The following H3-3A variants were observed in gnomAD, a reference collection of about 807,000 sequenced individuals.
H3-3A encodes H3.3 histone A, also known as histone H3.3.
For synonymous variants in H3-3A, 49 were observed against 61.4 expected, an observed-to-expected ratio of 0.80 and a Z score of 0.95; for missense variants, 7 against 184.0, an observed-to-expected ratio of 0.04 and a Z score of 5.57.
intron 3 of H3-3A, among the ~76,000 whole-genome samples, chr1:226,067,982 C>T (rs1440113796): frequency 6.6e-6 from 1 of 152,152 alleles, no homozygotes; most frequent in Non-Finnish European, 1.5e-5. Context: ...TGTCTGAGAA[C>T]TTGAACTCAA....
intron 2 of H3-3A, 76 bp downstream of exon 2, chr1:226,064,555 A>G (rs948829347): frequency 1.6e-6 from 2 of 1,284,580 alleles, no homozygotes; most frequent in African/African-American, 3.0e-5. Context: ...AAGATGGATA[A>G]CAGGAAAACT....
At chr1:226,063,542 C>G (rs1389454866) in intron 1 of H3-3A, among the ~76,000 whole-genome samples, 1 of 152,082 alleles carries the variant, frequency 6.6e-6, no homozygotes, top group Non-Finnish European at 1.5e-5. Flanking sequence ...CCATTTTGTT[C>G]TGGTCGGGGA....
intron 3 of H3-3A, among the ~76,000 whole-genome samples, chr1:226,069,988 G>T (rs1272131092): frequency 6.6e-6 from 1 of 152,198 alleles, no homozygotes; most frequent in Non-Finnish European, 1.5e-5. Context: ...GTGTCAATGA[G>T]TGATTCATAC....
At chr1:226,064,509 A>G in intron 2 of H3-3A, 30 bp downstream of exon 2, 1 of 1,593,050 alleles carries the variant, frequency 6.3e-7, no homozygotes, top group East Asian at 2.2e-5. Context: ...AAATGGGACA[A>G]AGTCTCTCTT....
intron 3 of H3-3A, among the ~76,000 whole-genome samples, chr1:226,068,139 T>C (rs1313233289): frequency 1.3e-5 from 2 of 152,242 alleles, no homozygotes. Context: ...GGTCATAAAT[T>C]AGTGTGGCAG....
At position 226,065,640 on chromosome 1, in the gene H3-3A, T is replaced by C; in HGVS notation, c.129-16T>C. 1 of 1,526,584 alleles carries C rather than the reference T, an allele frequency of 6.6e-7. No individual in the cohort carries two copies. The highest frequency in any genetic ancestry group is 8.8e-7 in the Non-Finnish European group (1 of 1,131,036). The allele number at this position is 1,526,584 out of a possible 1,614,324, so 94.6% of individuals were successfully genotyped here. On this transcript the variant is annotated splice_polypyrimidine_tract_variant and intron_variant, in intron 2 of 3. Coordinates refer to ENST00000366815, the MANE Select transcript of H3-3A (RefSeq NM_002107.7). Reference sequence around the variant, plus strand: ...GTTATGTTTTTGGTAACAGTTTCTTTATTAATTTTTTAAAGGCCTGGTACT... The same window carrying C: ...GTTATGTTTTTGGTAACAGTTTCTTCATTAATTTTTTAAAGGCCTGGTACT...
intron 2 of H3-3A, among the ~76,000 whole-genome samples, chr1:226,064,989 A>C (rs1370982393): frequency 6.6e-6 from 1 of 152,242 alleles, no homozygotes; most frequent in Admixed American, 6.5e-5. Flanking sequence ...CTGCCATTAG[A>C]GGGCAGAAGT....
chr1:226,065,044 A>G (rs1022070439), intron 2 of H3-3A, among the ~76,000 whole-genome samples: 14 of 152,236 alleles, frequency 9.2e-5, no homozygotes, highest in African/African-American at 3.4e-4. Flanking sequence ...ACCTAAAATA[A>G]AAGCTCATAC....
intron 3 of H3-3A, among the ~76,000 whole-genome samples, chr1:226,067,802 T>A: frequency 6.6e-6 from 1 of 151,708 alleles, no homozygotes; most frequent in East Asian, 1.9e-4. Flanking sequence ...TAATAGAAGA[T>A]CGCAATTGAA....
At chr1:226,065,132 A>C (rs1323196514) in intron 2 of H3-3A, among the ~76,000 whole-genome samples, 2 of 152,254 alleles carry the variant, frequency 1.3e-5, no homozygotes, top group African/African-American at 4.8e-5. Context: ...TCCACGTGGA[A>C]GGAACACTGC....
chr1:226,066,119 C>T (rs115728567), intron 3 of H3-3A: 5,459 of 466,918 alleles, frequency 0.012, 268 homozygotes, highest in African/African-American at 0.095. Context: ...ATGGATGCTG[C>T]AGGACATTAA....
intron 3 of H3-3A, chr1:226,066,950 A>C (rs1040914692): frequency 1.3e-5 from 2 of 152,198 alleles, no homozygotes; most frequent in African/African-American, 2.4e-5. Context: ...GCATCCATTA[A>C]ATTCTCAGTG....
At chr1:226,070,004 C>T (rs924741850) in intron 3 of H3-3A, among the ~76,000 whole-genome samples, 1 of 152,130 alleles carries the variant, frequency 6.6e-6, no homozygotes, top group Non-Finnish European at 1.5e-5. Context: ...CATACACTGT[C>T]ATTTTTAAGT....
intron 1 of H3-3A, among the ~76,000 whole-genome samples, chr1:226,063,214 C>T (rs1323785702): frequency 1.3e-5 from 2 of 152,124 alleles, no homozygotes; most frequent in African/African-American, 4.8e-5. Flanking sequence ...GAAATCGCCG[C>T]CGCTTCGCAC....
chr1:226,063,389 A>C (rs1657804654), intron 1 of H3-3A, among the ~76,000 whole-genome samples: 1 of 150,738 alleles, frequency 6.6e-6, no homozygotes. Context: ...CCTTTTTTGG[A>C]GAGGCGGAAA....
intron 3 of H3-3A, among the ~76,000 whole-genome samples, chr1:226,070,973 G>C (rs953519020): frequency 2.0e-5 from 3 of 152,282 alleles, no homozygotes; most frequent in Non-Finnish European, 4.4e-5. Flanking sequence ...GACTAGGCTG[G>C]GATGGGGTAT....
At chr1:226,066,234 A>G (rs1212656945) in intron 3 of H3-3A, 2 of 206,568 alleles carry the variant, frequency 9.7e-6, no homozygotes, top group Non-Finnish European at 2.0e-5. Context: ...ATATAGGTAG[A>G]GAGAGCTTAA....
intron 3 of H3-3A, among the ~76,000 whole-genome samples, chr1:226,068,521 C>T (rs1034058230): frequency 6.6e-6 from 1 of 152,106 alleles, no homozygotes; most frequent in Non-Finnish European, 1.5e-5. Flanking sequence ...AGCTGATATG[C>T]GTTGTGAGCC....
intron 3 of H3-3A, among the ~76,000 whole-genome samples, chr1:226,070,378 A>G (rs564398373): frequency 6.6e-6 from 1 of 152,200 alleles, no homozygotes; most frequent in Non-Finnish European, 1.5e-5. Context: ...AGGCTGAGGC[A>G]GGAGAATGAC....
Sources: gnomAD v4.1 joint callset for allele counts (sites outside exome capture counted in the v4.1 genomes callset) on GRCh38, gnomAD v4.1.1 for gene constraint, MANE v1.5 for transcripts, NCBI Gene and HGNC (gene_info 2026-07-23, HGNC 2026-07-21) for gene names.